NBAS: variants seen among roughly 807,000 people sequenced by gnomAD.
NBAS encodes NAG/BC035112 fusion.
A neutral mutation model predicts 302.5 loss-of-function variants in NBAS; 219 were observed. The ratio of observed to expected loss-of-function variants is 0.72; its 90% CI spans 0.65 to 0.81. NBAS has a LOEUF of 0.81. NBAS is among the 30% of genes least tolerant of loss of function. The pLI is 0.00. For missense variants in NBAS, 2,932 were observed against 2,841.6 expected (o/e 1.03, Z -0.72); for synonymous variants, 1,118 against 1,021.6 (o/e 1.09, Z -1.80).
intron 38 of NBAS, among the ~76,000 whole-genome samples, chr2:15,316,329 C>T (rs575690633): frequency 1.2e-4 from 19 of 152,314 alleles, no homozygotes; most frequent in African/African-American, 4.3e-4. Context: ...GTGATTTCTG[C>T]ATTTCCAACT....
chr2:15,062,619 G>C, the NBAS span, among the ~76,000 whole-genome samples: 12 of 152,176 alleles, frequency 7.9e-5, no homozygotes, highest in African/African-American at 2.7e-4. Flanking sequence ...ATAGAGAGTG[G>C]TGAGGACAAT....
rs901861905 is a variant in NBAS at position 15,394,444 on chromosome 2, T to TA, written c.3135-96dup. ...GAGGTAGCCCTTCAGTGTTTAGTAT[T>TA]AAAAAAAAATTATCCCATAGTGTAA... On this transcript the variant is annotated intron_variant, in intron 27 of 51. Transcript: ENST00000281513. The TA allele has an allele frequency of 3.9e-4, 519 of 1,326,088 alleles. 1 individual carries two copies. The highest frequency in any genetic ancestry group is 2.2e-3 in the African/African-American group (146 of 67,856). 82.1% of individuals were successfully genotyped at this position (1,326,088 alleles called of 1,614,324 possible). A position where few individuals can be genotyped will look rare whatever the true frequency, so the allele number is the denominator to read the frequency against.
chr2:14,888,022 G>C, the NBAS span, among the ~76,000 whole-genome samples: 2 of 152,322 alleles, frequency 1.3e-5, no homozygotes, highest in South Asian at 4.1e-4. Flanking sequence ...TTCTGGGGGT[G>C]GGGGCTGAGC....
At chr2:15,077,718 C>A in the NBAS span, among the ~76,000 whole-genome samples, 1 of 147,062 alleles carries the variant, frequency 6.8e-6, no homozygotes, top group Admixed American at 7.0e-5. Flanking sequence ...GGGTCTCGCT[C>A]TGTTGCCTAG....
At chr2:15,221,488 A>G (rs1000626774) in intron 47 of NBAS, among the ~76,000 whole-genome samples, 1 of 151,858 alleles carries the variant, frequency 6.6e-6, no homozygotes, top group Non-Finnish European at 1.5e-5. Flanking sequence ...ATACAGAGAT[A>G]AAAAAAAATT....
the NBAS span, among the ~76,000 whole-genome samples, chr2:14,899,570 A>G: frequency 6.6e-6 from 1 of 152,216 alleles, no homozygotes; most frequent in African/African-American, 2.4e-5. Flanking sequence ...TTGATAGGCC[A>G]TTCATGAGCT....
chr2:15,326,498 A>C (rs1275593424), intron 38 of NBAS, among the ~76,000 whole-genome samples: 1 of 152,216 alleles, frequency 6.6e-6, no homozygotes, highest in Non-Finnish European at 1.5e-5. Context: ...CTACCTTGAT[A>C]ACCATTCATA....
intron 39 of NBAS, 84 bp downstream of exon 39, chr2:15,309,087 A>G: frequency 2.0e-6 from 2 of 995,644 alleles, no homozygotes; most frequent in Non-Finnish European, 3.0e-6. Flanking sequence ...ATGGCATGCA[A>G]TAAACAATTT....
At chr2:15,453,287 G>T (rs149483405) in intron 21 of NBAS, among the ~76,000 whole-genome samples, 164 of 152,256 alleles carry the variant, frequency 1.1e-3, no homozygotes, top group African/African-American at 3.9e-3. Context: ...AGCATGTAGA[G>T]CACAAAGAGG....
At chr2:15,462,922 G>A (rs1213066454) in intron 19 of NBAS, among the ~76,000 whole-genome samples, 1 of 152,150 alleles carries the variant, frequency 6.6e-6, no homozygotes, top group African/African-American at 2.4e-5. Flanking sequence ...AGTCAGAGAA[G>A]TAAAGGGAAA....
At chr2:15,059,937 G>C in the NBAS span, among the ~76,000 whole-genome samples, 3 of 139,772 alleles carry the variant, frequency 2.1e-5, no homozygotes, top group South Asian at 7.1e-4. Flanking sequence ...GGGAAGGATA[G>C]CAGTGCTGCT....
At chr2:15,034,244 G>GAAAGAAAGAAAGAAAGAAAGAAAC in the NBAS span, among the ~76,000 whole-genome samples, 1 of 87,688 alleles carries the variant, frequency 1.1e-5, no homozygotes, top group East Asian at 2.7e-4. Context: ...AGGAAAGAAA[G>GAAAGAAAGAAAGAAAGAAAGAAAC]AAAGAAAGAA....
chr2:15,443,422 T>A (rs1199376173), intron 21 of NBAS, among the ~76,000 whole-genome samples: 4 of 152,116 alleles, frequency 2.6e-5, no homozygotes, highest in African/African-American at 9.7e-5. Flanking sequence ...TCTCAACAGA[T>A]GCAGAAAAGA....
chr2:15,139,222 C>CT, the NBAS span, among the ~76,000 whole-genome samples: 3 of 152,136 alleles, frequency 2.0e-5, no homozygotes, highest in South Asian at 4.1e-4. Context: ...CCATTATCAT[C>CT]TTTTTTTATA....
chr2:14,908,149 G>A, the NBAS span, among the ~76,000 whole-genome samples: 2 of 152,184 alleles, frequency 1.3e-5, no homozygotes, highest in Admixed American at 6.5e-5. Context: ...GGATCACAAG[G>A]TCAGGAGATC....
Position 15,307,431 on chromosome 2 carries a change from AT to A in NBAS, c.4797+784del, listed in dbSNP as rs1291573193. ...CAGGAAAAATTTAAGTTGTATTAGA[AT>A]TTGTTTGGGGTTGGGAAAGGAAGAA... is the stretch of plus-strand genomic sequence containing the variant. On this transcript the variant is annotated intron_variant, in intron 40 of 51. Transcript: ENST00000281513. Among the ~76,000 whole-genome samples, 6 of 152,312 alleles carry A rather than the reference AT, an allele frequency of 3.9e-5. No individual in the cohort carries two copies. In the East Asian group the frequency reaches 1.2e-3, roughly 29 times the overall value.
chr2:15,362,676 A>G (rs1050153870), intron 32 of NBAS, among the ~76,000 whole-genome samples: 1 of 152,232 alleles, frequency 6.6e-6, no homozygotes, highest in South Asian at 2.1e-4. Context: ...TATTTCCTAC[A>G]TAACATTGAA....
chr2:15,355,503 A>T (rs1024340171), intron 33 of NBAS, among the ~76,000 whole-genome samples: 4 of 152,152 alleles, frequency 2.6e-5, no homozygotes, highest in Non-Finnish European at 5.9e-5. Context: ...GAAAAGCACT[A>T]TGCTATCTGA....
chr2:14,836,318 T>C, the NBAS span, among the ~76,000 whole-genome samples: 1 of 151,920 alleles, frequency 6.6e-6, no homozygotes, highest in Non-Finnish European at 1.5e-5. Flanking sequence ...AAATTTTATC[T>C]CATGGTTAAT....
Sources: allele counts gnomAD v4.1 joint callset (sites outside exome capture counted in the v4.1 genomes callset), GRCh38; gene constraint gnomAD v4.1.1; transcripts MANE v1.5; gene names NCBI Gene and HGNC (gene_info 2026-07-23, HGNC 2026-07-21).